SLC5A5: variants seen among roughly 807,000 people sequenced by gnomAD.
The protein encoded by SLC5A5 is solute carrier family 5 member 5.
In SLC5A5, 56 loss-of-function variants were observed where a neutral mutation model predicts 68.6. The observed-to-expected ratio is 0.82, with a 90% CI of 0.66 to 1.02. The LOEUF (loss-of-function observed/expected upper bound fraction) is 1.02. Ranked by LOEUF, SLC5A5 falls within the 50% of genes least tolerant of loss-of-function variation. SLC5A5 has a pLI of 0.00. For synonymous variants in SLC5A5, 398 were observed against 373.0 expected (o/e 1.07, Z -0.77); for missense variants, 807 against 859.8 (o/e 0.94, Z 0.77).
intron 10 of SLC5A5, among the ~76,000 whole-genome samples, chr19:17,883,187 T>C (rs181658588): frequency 1.3e-5 from 2 of 151,928 alleles, no homozygotes; most frequent in Non-Finnish European, 2.9e-5. Flanking sequence ...CTTGAACTCC[T>C]GGCCTCAAGC....
intron 2 of SLC5A5, 113 bp from the exon 3 acceptor site, chr19:17,874,381 G>C (rs2094301703): frequency 1.8e-6 from 2 of 1,136,350 alleles, no homozygotes; most frequent in Non-Finnish European, 2.6e-6. Context: ...CACTCTGGAA[G>C]ACCCGGCCTA....
At chr19:17,891,061 A>G (rs554876457) in intron 14 of SLC5A5, 60 bp downstream of exon 14, 10 of 1,031,528 alleles carry the variant, frequency 9.7e-6, no homozygotes, top group Admixed American at 1.7e-5. Flanking sequence ...GGACGTGACC[A>G]CAGCTCAGGG....
rs1439097978 is a variant in SLC5A5, at chr19:17,883,669, C to T, written c.1243-12C>T. On this transcript the variant is annotated splice_polypyrimidine_tract_variant and intron_variant, in intron 10 of 14. Transcript: ENST00000222248. ...GCTCCGCCCTCAGCCCCACTTCCAC[C>T]TACTCTCCCAGGGCTCCTTCACCGT... 1.2e-6 allele frequency: 2 copies of T among 1,611,060 alleles called. No homozygotes were observed. The highest frequency in any genetic ancestry group is 2.2e-5 in the South Asian group (2 of 91,040).
In SLC5A5 at chr19:17,874,068, G is replaced by A. The variant is rs949917516; in HGVS notation, c.358-70G>A. 4 of 1,125,490 alleles carry A rather than the reference G, an allele frequency of 3.6e-6. No individual in the cohort carries two copies. In the African/African-American group the frequency reaches 6.1e-5, roughly 17 times the overall value. The allele number at this position is 1,125,490 out of a possible 1,614,324, so 69.7% of individuals were successfully genotyped here. On this transcript the variant is annotated intron_variant, in intron 1 of 14. Coordinates refer to ENST00000222248, the MANE Select transcript of SLC5A5 (RefSeq NM_000453.3). ...GAGGGAGGGGCCCACCTAGAGAGCAGACCAGGGACCCGAGAGGCCTCGGCT... is the reference window on the plus strand; with the variant it reads ...GAGGGAGGGGCCCACCTAGAGAGCAAACCAGGGACCCGAGAGGCCTCGGCT...
chr19:17,874,627 G>A (rs748355026), intron 3 of SLC5A5, 37 bp from the exon 4 acceptor site: 3 of 1,613,644 alleles, frequency 1.9e-6, no homozygotes, highest in Non-Finnish European at 2.5e-6. Context: ...TTTGCGCCCC[G>A]CCCAGGGGCC....
In SLC5A5 at chr19:17,872,175, G is replaced by A. The variant is rs1759564799; in HGVS notation, c.-145G>A. 3 of 637,906 alleles carry A rather than the reference G, an allele frequency of 4.7e-6. No homozygotes were observed. Among genetic ancestry groups the A allele is most frequent in the African/African-American group, 1.9e-5 (1 of 53,842 alleles). 39.5% of individuals were successfully genotyped at this position (637,906 alleles called of 1,614,324 possible). ...CCAGGGAGCCCCGGCCCCTCTCGCC[G>A]CTTCCCACCCCAGACGGAGCGGGGA... is the stretch of plus-strand genomic sequence containing the variant. On this transcript the variant is annotated 5_prime_UTR_variant, in exon 1 of 15. Coordinates refer to ENST00000222248, the MANE Select transcript of SLC5A5 (RefSeq NM_000453.3).
Position 17,882,973 on chromosome 19 carries a change from G to A in SLC5A5, c.1243-708G>A, listed in dbSNP as rs192705160. 2.8e-3 allele frequency among the ~76,000 whole-genome samples: 433 copies of A among 151,984 alleles called. 1 individual carries two copies. Among genetic ancestry groups the A allele is most frequent in the Non-Finnish European group, 4.1e-3 (277 of 67,970 alleles). ...GCTGGGATTACAGGCGTGAGCCACC[G>A]CGCCCAGCTTATATTTTTGTATTTT... On this transcript the variant is annotated intron_variant, in intron 10 of 14. Coordinates refer to ENST00000222248, the MANE Select transcript of SLC5A5 (RefSeq NM_000453.3).
intron 12 of SLC5A5, 21 bp downstream of exon 12, chr19:17,884,067 G>C (rs777174344): frequency 6.4e-5 from 99 of 1,537,664 alleles, no homozygotes; most frequent in Middle Eastern, 1.7e-4. Flanking sequence ...TTGAGGGTAG[G>C]GGGGTACCCG....
chr19:17,887,375 A>C (rs1599930120), intron 12 of SLC5A5, among the ~76,000 whole-genome samples: 1 of 151,632 alleles, frequency 6.6e-6, no homozygotes, highest in Non-Finnish European at 1.5e-5. Context: ...GCTCACTGCA[A>C]CCTCCACCTC....
intron 7 of SLC5A5, among the ~76,000 whole-genome samples, chr19:17,878,563 A>T (rs1384310481): frequency 6.6e-6 from 1 of 152,116 alleles, no homozygotes; most frequent in Non-Finnish European, 1.5e-5. Context: ...GGAATGGGAA[A>T]GGTGAGTCTG....
At chr19:17,877,448 T>C (rs1406100553) in intron 5 of SLC5A5, among the ~76,000 whole-genome samples, 1 of 151,816 alleles carries the variant, frequency 6.6e-6, no homozygotes, top group Non-Finnish European at 1.5e-5. Flanking sequence ...TAGCTGGGAT[T>C]AGAGGCACCC....
chr19:17,878,184 G>A, intron 7 of SLC5A5, 91 bp downstream of exon 7: 1 of 1,464,508 alleles, frequency 6.8e-7, no homozygotes, highest in Non-Finnish European at 9.4e-7. Flanking sequence ...AGAGGGAATG[G>A]CCTGTGCAAA....
At chr19:17,892,376 CT>C (rs1599936198) in intron 14 of SLC5A5, among the ~76,000 whole-genome samples, 1 of 152,050 alleles carries the variant, frequency 6.6e-6, no homozygotes, top group East Asian at 1.9e-4. Context: ...TGGCTCACCC[CT>C]GTAATCCCAG....
chr19:17,892,997 C>G (rs952642256), intron 14 of SLC5A5, among the ~76,000 whole-genome samples: 3 of 140,398 alleles, frequency 2.1e-5, no homozygotes, highest in Admixed American at 7.0e-5. Context: ...CCTTTCTCTT[C>G]TTTTCTTTTT....
chr19:17,887,279 T>G (rs2029954797), intron 12 of SLC5A5, among the ~76,000 whole-genome samples: 1 of 152,194 alleles, frequency 6.6e-6, no homozygotes, highest in Admixed American at 6.6e-5. Flanking sequence ...AATCCTTTGA[T>G]GCACAGAAGT....
intron 13 of SLC5A5, among the ~76,000 whole-genome samples, 187 bp from the exon 14 acceptor site, chr19:17,890,699 T>C (rs1039483754): frequency 3.3e-5 from 5 of 152,178 alleles, no homozygotes; most frequent in Non-Finnish European, 7.3e-5. Flanking sequence ...ACTGATGTTT[T>C]ATTACAACTT....
In SLC5A5 at chr19:17,891,002, G is replaced by A; in HGVS notation, c.1767+1G>A. The A allele has an allele frequency of 6.3e-7, 1 of 1,596,560 alleles. No individual in the cohort carries two copies. The highest frequency in any genetic ancestry group is 1.1e-5 in the South Asian group (1 of 90,690). On this transcript the variant is annotated splice_donor_variant, in intron 14 of 14. Transcript: ENST00000222248. LOFTEE classifies it high-confidence loss of function. ...CATCCTGGATGACAACTTGGTCAAG[G>A]TCAGTCTTAGGCTGGGTTCCCAGAT...
intron 14 of SLC5A5, among the ~76,000 whole-genome samples, chr19:17,891,287 C>A (rs976059984): frequency 6.6e-6 from 1 of 152,042 alleles, no homozygotes; most frequent in African/African-American, 2.4e-5. Flanking sequence ...CTCACTGCAA[C>A]CTCCACATCC....
chr19:17,872,048 GAGGGGAGGTGGCAGGACAGACAGACAGC>G lies in SLC5A5; in HGVS notation c.-266_-239del, dbSNP rs2094295313. Reference sequence around the variant, plus strand: ...CATGGGACAGCGGAACCCAGAGTGAGAGGGGAGGTGGCAGGACAGACAGACAGCAGGGGCGGACGCAGAGACAGACAGC... The same window carrying G: ...CATGGGACAGCGGAACCCAGAGTGAGAGGGGCGGACGCAGAGACAGACAGC... On this transcript the variant is annotated 5_prime_UTR_variant, in exon 1 of 15. Coordinates refer to ENST00000222248, the MANE Select transcript of SLC5A5 (RefSeq NM_000453.3). The G allele has an allele frequency of 3.9e-6, 2 of 511,884 alleles. No individual in the cohort carries two copies. The highest frequency in any genetic ancestry group is 4.5e-5 in the South Asian group (2 of 44,448). 31.7% of individuals were successfully genotyped at this position (511,884 alleles called of 1,614,324 possible).
Sources: allele counts gnomAD v4.1 joint callset (sites outside exome capture counted in the v4.1 genomes callset), GRCh38; gene constraint gnomAD v4.1.1; transcripts MANE v1.5; gene names NCBI Gene and HGNC (gene_info 2026-07-23, HGNC 2026-07-21).